MMP16: variants seen among roughly 807,000 people sequenced by gnomAD.
MMP16 encodes matrix metalloproteinase-16.
A neutral mutation model predicts 67.8 loss-of-function variants in MMP16; 12 were observed. That is an observed-to-expected ratio of 0.18 (90% CI 0.11 to 0.29). The LOEUF is 0.29. MMP16 is among the 10% of genes least tolerant of loss of function. The pLI, the probability that MMP16 is intolerant of heterozygous loss-of-function variation, is 1.00. For missense variants in MMP16, 475 were observed against 765.7 expected (o/e 0.62, Z 4.48); for synonymous variants, 249 against 255.9 (o/e 0.97, Z 0.26).
intron 7 of MMP16, among the ~76,000 whole-genome samples, chr8:88,067,365 TG>T (rs1808477178): frequency 6.6e-6 from 1 of 152,246 alleles, no homozygotes; most frequent in Middle Eastern, 3.4e-3. Flanking sequence ...TATATTTAAA[TG>T]TATGAAATAT....
At chr8:88,186,636 T>G in intron 2 of MMP16, 38 bp from the exon 3 acceptor site, 1 of 1,567,104 alleles carries the variant, frequency 6.4e-7, no homozygotes, top group South Asian at 1.2e-5. Context: ...AGCAGTATTT[T>G]CCAGTTATTT....
chr8:88,040,161 C>G lies in MMP16; in HGVS notation c.*1300G>C, dbSNP rs538073767. 1 of 152,632 alleles carries G rather than the reference C, an allele frequency of 6.6e-6. No individual in the cohort carries two copies. Among genetic ancestry groups the G allele is most frequent in the African/African-American group, 2.4e-5 (1 of 41,526 alleles). The allele number at this position is 152,632 out of a possible 1,614,324, so 9.5% of individuals were successfully genotyped here. A position where few individuals can be genotyped will look rare whatever the true frequency, so the allele number is the denominator to read the frequency against. On this transcript the variant is annotated 3_prime_UTR_variant, in exon 10 of 10. Coordinates refer to ENST00000286614, the MANE Select transcript of MMP16 (RefSeq NM_005941.5). ...TAAAAAAAAGAAAAGAAGACTTAGG[C>G]TATTATCAGTTTTTCAAATAAAATT...
chr8:88,137,248 T>C (rs970532597), intron 4 of MMP16, among the ~76,000 whole-genome samples: 2 of 152,016 alleles, frequency 1.3e-5, no homozygotes, highest in Admixed American at 1.3e-4. Flanking sequence ...TTTGGAGTTG[T>C]CTGTTTACAT....
At chr8:88,270,699 TTTAA>T (rs1487983794) in intron 1 of MMP16, among the ~76,000 whole-genome samples, 3 of 152,328 alleles carry the variant, frequency 2.0e-5, no homozygotes, top group Non-Finnish European at 4.4e-5. Flanking sequence ...CTCCTTTTCA[TTTAA>T]TTGTCAGGTC....
chr8:88,192,540 A>C (rs1809187349), intron 2 of MMP16, among the ~76,000 whole-genome samples: 1 of 152,188 alleles, frequency 6.6e-6, no homozygotes, highest in African/African-American at 2.4e-5. Context: ...CCATCCTATA[A>C]TGTGATAGCG....
At chr8:88,151,278 C>T (rs1294397281) in intron 4 of MMP16, among the ~76,000 whole-genome samples, 1 of 145,612 alleles carries the variant, frequency 6.9e-6, no homozygotes, top group Non-Finnish European at 1.5e-5. Context: ...ACTTTAACAC[C>T]CCACTGTCAA....
intron 1 of MMP16, among the ~76,000 whole-genome samples, chr8:88,253,038 C>T (rs1231198270): frequency 1.3e-5 from 2 of 152,034 alleles, no homozygotes; most frequent in African/African-American, 4.8e-5. Context: ...AAAACTGTTG[C>T]TCTCTTAATT....
chr8:88,147,198 A>C (rs561800204), intron 4 of MMP16, among the ~76,000 whole-genome samples: 1 of 152,136 alleles, frequency 6.6e-6, no homozygotes, highest in South Asian at 2.1e-4. Context: ...ATGCAATTTT[A>C]AATTTATTTT....
intron 3 of MMP16, among the ~76,000 whole-genome samples, chr8:88,181,621 C>T (rs770119968): frequency 7.3e-5 from 11 of 151,262 alleles, no homozygotes; most frequent in Non-Finnish European, 8.9e-5. Context: ...ACTATAGATA[C>T]AATGCAAGCA....
intron 8 of MMP16, among the ~76,000 whole-genome samples, chr8:88,055,213 T>C (rs1196448513): frequency 3.3e-5 from 5 of 152,088 alleles, no homozygotes; most frequent in South Asian, 2.1e-4. Context: ...TTTTATTTTA[T>C]TTTTTTGTTT....
chr8:88,161,625 T>C (rs1808625479), intron 4 of MMP16, among the ~76,000 whole-genome samples: 1 of 152,166 alleles, frequency 6.6e-6, no homozygotes, highest in African/African-American at 2.4e-5. Context: ...GCTTCTCTAG[T>C]TCTTTTAATT....
chr8:88,219,936 A>T (rs1809651927), intron 1 of MMP16, among the ~76,000 whole-genome samples: 1 of 152,142 alleles, frequency 6.6e-6, no homozygotes, highest in Admixed American at 6.6e-5. Flanking sequence ...AAAAATTTCA[A>T]AGACAAAAGT....
intron 1 of MMP16, among the ~76,000 whole-genome samples, chr8:88,275,691 T>C (rs1033210519): frequency 6.6e-6 from 1 of 151,918 alleles, no homozygotes; most frequent in Admixed American, 6.6e-5. Flanking sequence ...TTTCAGCCCT[T>C]GCCATATATT....
At chr8:88,151,647 G>T (rs1262281000) in intron 4 of MMP16, among the ~76,000 whole-genome samples, 2 of 146,682 alleles carry the variant, frequency 1.4e-5, no homozygotes, top group Non-Finnish European at 3.0e-5. Context: ...CAGAAATAAA[G>T]ATGTTCTTTG....
At chr8:88,080,410 T>C (rs1386978046) in intron 6 of MMP16, among the ~76,000 whole-genome samples, 2 of 152,126 alleles carry the variant, frequency 1.3e-5, no homozygotes, top group African/African-American at 4.8e-5. Context: ...CAAGCAATCA[T>C]GTGTTGTTTT....
At chr8:88,054,598 C>T (rs968714655) in intron 8 of MMP16, among the ~76,000 whole-genome samples, 4 of 152,066 alleles carry the variant, frequency 2.6e-5, no homozygotes, top group African/African-American at 9.7e-5. Flanking sequence ...TAGTAAGAAA[C>T]ATTATAGCAC....
At chr8:88,181,708 C>A (rs972855870) in intron 3 of MMP16, among the ~76,000 whole-genome samples, 1 of 151,826 alleles carries the variant, frequency 6.6e-6, no homozygotes, top group Non-Finnish European at 1.5e-5. Flanking sequence ...TCCAAATACC[C>A]AGCAGAATAC....
At chr8:88,298,252 C>T (rs996840302) in intron 1 of MMP16, among the ~76,000 whole-genome samples, 1 of 152,106 alleles carries the variant, frequency 6.6e-6, no homozygotes, top group Non-Finnish European at 1.5e-5. Context: ...TCCCACTTCC[C>T]TTCCCCAAAC....
chr8:88,114,276 G>GT (rs1809392439), intron 6 of MMP16, among the ~76,000 whole-genome samples: 1 of 151,510 alleles, frequency 6.6e-6, no homozygotes, highest in South Asian at 2.1e-4. Flanking sequence ...TAACATGTCT[G>GT]TTTTTTCTCC....
Sources: allele counts gnomAD v4.1 joint callset (sites outside exome capture counted in the v4.1 genomes callset), GRCh38; gene constraint gnomAD v4.1.1; transcripts MANE v1.5; gene names NCBI Gene and HGNC (gene_info 2026-07-23, HGNC 2026-07-21).